The following STXBP6 variants were observed in gnomAD, a reference collection of about 807,000 sequenced individuals.
STXBP6 encodes syntaxin binding protein 6.
Under a neutral mutation model 26.9 loss-of-function variants are expected in STXBP6, and 21 were observed. That is an observed-to-expected ratio of 0.78 (90% CI 0.55 to 1.12). The LOEUF (loss-of-function observed/expected upper bound fraction) is 1.12, where lower values mean the gene tolerates loss of function less well. Among genes scored for constraint, STXBP6 ranks in the 50% most tolerant of loss-of-function variants. STXBP6 has a pLI of 0.00. For synonymous variants in STXBP6, 97 were observed against 92.6 expected (o/e 1.05, Z -0.27); for missense variants, 232 against 257.9 (o/e 0.90, Z 0.69).
chr14:25,040,517 A>G (rs1341515781), intron 1 of STXBP6, among the ~76,000 whole-genome samples: 1 of 152,244 alleles, frequency 6.6e-6, no homozygotes, highest in Non-Finnish European at 1.5e-5. Context: ...GTAGGATTAA[A>G]GGAAGCGACA....
intron 2 of STXBP6, among the ~76,000 whole-genome samples, chr14:24,891,994 AG>A (rs898423057): frequency 2.0e-5 from 3 of 152,218 alleles, no homozygotes; most frequent in Non-Finnish European, 4.4e-5. Context: ...GGACCAGATC[AG>A]GTTCCCTTTA....
At chr14:25,039,168 T>C (rs1052424462) in intron 1 of STXBP6, among the ~76,000 whole-genome samples, 7 of 152,098 alleles carry the variant, frequency 4.6e-5, no homozygotes, top group African/African-American at 1.7e-4. Context: ...AAATACAAAA[T>C]TTTAAAAAAG....
intron 2 of STXBP6, among the ~76,000 whole-genome samples, chr14:24,901,829 C>T (rs781502052): frequency 2.0e-5 from 3 of 151,960 alleles, no homozygotes; most frequent in Admixed American, 1.3e-4. Flanking sequence ...TGATAAGAAT[C>T]AGAATAATGT....
intron 2 of STXBP6, among the ~76,000 whole-genome samples, chr14:24,874,154 T>C (rs764884335): frequency 6.6e-6 from 1 of 152,066 alleles, no homozygotes; most frequent in African/African-American, 2.4e-5. Context: ...CCTTGGAAAA[T>C]TGCTCACTCC....
intron 1 of STXBP6, among the ~76,000 whole-genome samples, chr14:25,014,260 C>A (rs1043135281): frequency 2.0e-5 from 3 of 151,986 alleles, no homozygotes; most frequent in Admixed American, 6.6e-5. Context: ...TTTGAGAGGC[C>A]GAGGCAGGTG....
At chr14:24,905,592 A>AT (rs1227448196) in intron 2 of STXBP6, among the ~76,000 whole-genome samples, 2 of 152,162 alleles carry the variant, frequency 1.3e-5, no homozygotes, top group East Asian at 3.9e-4. Context: ...TCTGTGACCT[A>AT]TGTAGCAAAA....
chr14:24,879,109 A>T (rs2070256819), intron 2 of STXBP6, among the ~76,000 whole-genome samples: 2 of 152,230 alleles, frequency 1.3e-5, no homozygotes, highest in Non-Finnish European at 2.9e-5. Flanking sequence ...AGCCATGTCA[A>T]CAAAGTAGAG....
At chr14:24,974,009 C>A (rs2073976383) in intron 2 of STXBP6, among the ~76,000 whole-genome samples, 1 of 151,972 alleles carries the variant, frequency 6.6e-6, no homozygotes, top group Admixed American at 6.6e-5. Flanking sequence ...ACCAATAACT[C>A]CATGAAAAAT....
At chr14:24,905,958 T>C (rs182928886) in intron 2 of STXBP6, among the ~76,000 whole-genome samples, 307 of 152,246 alleles carry the variant, frequency 2.0e-3, no homozygotes, top group African/African-American at 7.1e-3. Flanking sequence ...GTAGTAGTTA[T>C]AGAAACCTGA....
chr14:24,952,337 C>G (rs1024966088), intron 2 of STXBP6, among the ~76,000 whole-genome samples: 12 of 150,444 alleles, frequency 8.0e-5, no homozygotes, highest in African/African-American at 2.9e-4. Flanking sequence ...TTATTTCAAA[C>G]TTACTTAAAT....
At chr14:24,868,933 T>TG (rs2069823405) in intron 2 of STXBP6, among the ~76,000 whole-genome samples, 1 of 152,212 alleles carries the variant, frequency 6.6e-6, no homozygotes, top group East Asian at 1.9e-4. Flanking sequence ...CACTGCTTAT[T>TG]GAACATCACA....
chr14:24,934,098 TG>T (rs1291979521), intron 2 of STXBP6, among the ~76,000 whole-genome samples: 14 of 152,108 alleles, frequency 9.2e-5, no homozygotes. Flanking sequence ...AAAAGATAAC[TG>T]TTACCTAAAG....
At chr14:24,896,864 G>A (rs1292862823) in intron 2 of STXBP6, among the ~76,000 whole-genome samples, 1 of 152,166 alleles carries the variant, frequency 6.6e-6, no homozygotes, top group Non-Finnish European at 1.5e-5. Context: ...TCTGGGGTAT[G>A]TCTGAGCTGG....
At chr14:24,827,836 C>T (rs1394790880) in intron 4 of STXBP6, among the ~76,000 whole-genome samples, 1 of 152,156 alleles carries the variant, frequency 6.6e-6, no homozygotes, top group Non-Finnish European at 1.5e-5. Flanking sequence ...GCCACCTCTG[C>T]AGGACCCCCA....
chr14:24,960,580 T>G (rs28625718), intron 2 of STXBP6, among the ~76,000 whole-genome samples: 26,158 of 152,172 alleles, frequency 0.17, 2,381 homozygotes, highest in African/African-American at 0.22. Flanking sequence ...ATTTAGAGAC[T>G]AGCTTTTTTG....
rs542638810 is a variant in STXBP6, at chr14:24,862,276, G to C, written c.155-5119C>G. Reference sequence around the variant, plus strand: ...TCCTCCCAGAGTGTTAGGATTACAGGTGTGAGCCACCATGCCCGACCTAAA... The same window carrying C: ...TCCTCCCAGAGTGTTAGGATTACAGCTGTGAGCCACCATGCCCGACCTAAA... On this transcript the variant is annotated intron_variant, in intron 2 of 5. Coordinates refer to ENST00000323944, the MANE Select transcript of STXBP6 (RefSeq NM_001394410.1). Among the ~76,000 whole-genome samples the C allele has an allele frequency of 5.3e-5, 8 of 152,270 alleles. 1 individual carries two copies. The South Asian group carries it at 1.7e-3, about 32-fold the overall frequency.
At chr14:25,010,938 T>A (rs1475764737) in intron 1 of STXBP6, among the ~76,000 whole-genome samples, 1 of 151,558 alleles carries the variant, frequency 6.6e-6, no homozygotes, top group Non-Finnish European at 1.5e-5. Context: ...TAAAACTACC[T>A]TCAACAAAGT....
rs184582644 is a variant in STXBP6 at position 24,985,150 on chromosome 14, C to T, written c.-32-10300G>A. 6.6e-5 allele frequency among the ~76,000 whole-genome samples: 10 copies of T among 152,278 alleles called. No individual in the cohort carries two copies. The South Asian group carries it at 8.3e-4, about 13-fold the overall frequency. ...CTTGTGTGTGCATATCATGCTGGTTCGTTGGCAAAGGAGTTGCACAGCCTT... is the reference window on the plus strand; with the variant it reads ...CTTGTGTGTGCATATCATGCTGGTTTGTTGGCAAAGGAGTTGCACAGCCTT... On this transcript the variant is annotated intron_variant, in intron 1 of 5. Coordinates refer to ENST00000323944, the MANE Select transcript of STXBP6 (RefSeq NM_001394410.1).
chr14:24,827,794 C>G (rs2068333485), intron 4 of STXBP6, among the ~76,000 whole-genome samples: 1 of 152,202 alleles, frequency 6.6e-6, no homozygotes, highest in South Asian at 2.1e-4. Context: ...ACCAAGAAGG[C>G]CTTTCTTAAT....
Sources: allele counts gnomAD v4.1 joint callset (sites outside exome capture counted in the v4.1 genomes callset), GRCh38; gene constraint gnomAD v4.1.1; transcripts MANE v1.5; gene names NCBI Gene and HGNC (gene_info 2026-07-23, HGNC 2026-07-21).